The following CLMP variants were observed in gnomAD, a reference collection of about 807,000 sequenced individuals.
The protein encoded by CLMP is CXADR like cell adhesion molecule.
CLMP carries 27 observed loss-of-function variants against 45.2 expected under a neutral mutation model. The ratio of observed to expected loss-of-function variants is 0.60; its 90% CI spans 0.44 to 0.82. CLMP has a LOEUF of 0.82. Ranked by LOEUF, CLMP falls within the 40% of genes least tolerant of loss-of-function variation. CLMP has a pLI of 0.00. For synonymous variants in CLMP, 167 were observed against 171.4 expected (o/e 0.97, Z 0.20); for missense variants, 403 against 448.4 (o/e 0.90, Z 0.91).
At chr11:123,083,237 C>A in intron 4 of CLMP, 30 bp from the exon 5 acceptor site, 1 of 1,605,254 alleles carries the variant, frequency 6.2e-7, no homozygotes, top group South Asian at 1.1e-5. Context: ...GACTGTAAAT[C>A]CCTTTAGTGA....
At chr11:123,132,268 T>G (rs922016017) in intron 1 of CLMP, among the ~76,000 whole-genome samples, 1 of 152,160 alleles carries the variant, frequency 6.6e-6, no homozygotes, top group African/African-American at 2.4e-5. Flanking sequence ...AGTGGGCAGC[T>G]GCCCTATTAA....
At chr11:123,112,691 T>C (rs1860656296) in intron 1 of CLMP, among the ~76,000 whole-genome samples, 2 of 152,044 alleles carry the variant, frequency 1.3e-5, no homozygotes, top group Admixed American at 1.3e-4. Flanking sequence ...TATCAAGTTA[T>C]TTACATTCTC....
intron 1 of CLMP, among the ~76,000 whole-genome samples, chr11:123,133,279 G>A (rs142878976): frequency 6.6e-6 from 1 of 152,140 alleles, no homozygotes; most frequent in African/African-American, 2.4e-5. Flanking sequence ...GCTCCTCTGG[G>A]TCCTCCTTTT....
At chr11:123,156,760 A>G (rs1861420303) in intron 1 of CLMP, among the ~76,000 whole-genome samples, 1 of 149,494 alleles carries the variant, frequency 6.7e-6, no homozygotes, top group African/African-American at 2.5e-5. Context: ...ACAGATAAAA[A>G]TCTCACAAAT....
Position 123,110,449 on chromosome 11 carries a change from G to A in CLMP, c.29-12497C>T, listed in dbSNP as rs189682658. Among the ~76,000 whole-genome samples, 60 of 132,116 alleles carry A rather than the reference G, an allele frequency of 4.5e-4. 1 individual carries two copies. The East Asian group carries it at 0.012, about 26-fold the overall frequency. The allele number at this position is 132,116 out of a possible 152,430, so 86.7% of individuals were successfully genotyped here. A position where few individuals can be genotyped will look rare whatever the true frequency, so the allele number is the denominator to read the frequency against. ...AGCCTGGGTGACAGAGCGAGACTCC[G>A]TCAGAAAAAAAAAAAAAAAATTAGC... On this transcript the variant is annotated intron_variant, in intron 1 of 6. Transcript: ENST00000448775.
Position 123,073,667 on chromosome 11 carries a change from C to G in CLMP, c.929G>C (p.Ser310Thr), listed in dbSNP as rs775080926. The G allele has an allele frequency of 6.2e-7, 1 of 1,614,214 alleles. No individual in the cohort carries two copies. Among genetic ancestry groups the G allele is most frequent in the Non-Finnish European group, 8.5e-7 (1 of 1,180,040 alleles). The change falls in exon 7 of 7, where the codon AGT (serine) becomes ACT (threonine). Residue 310 changes from serine (S) to threonine (T), a missense_variant. Transcript: ENST00000448775. ...CAGTGTCCGCTGGCTGCGTGAGGCA[C>G]TATTTGCTGTGGAGCGAGTGGAGGA... ...GSSSTRSTAN[S>T]ASRSQRTLST...
rs763953772 is a variant in CLMP at position 123,083,170 on chromosome 11, A to G, written c.594T>C (p.Leu198=). ...NHPGRVLLQN[L]TMSYSGLYQC... ...GGTACAGTCCAGAGTAGGACATGGT[A>G]AGATTCTGCAGCAGAACTCGTCCAG... The change falls in exon 5 of 7, where the codon CTT becomes CTC. Residue 198 remains leucine (L), a synonymous_variant. Transcript: ENST00000448775. 1 of 1,614,134 alleles carries G rather than the reference A, an allele frequency of 6.2e-7. No homozygotes were observed. Among genetic ancestry groups the G allele is most frequent in the South Asian group, 1.1e-5 (1 of 91,088 alleles).
At chr11:123,095,902 A>C (rs1267147362) in intron 2 of CLMP, among the ~76,000 whole-genome samples, 1 of 152,232 alleles carries the variant, frequency 6.6e-6, no homozygotes, top group East Asian at 1.9e-4. Context: ...GATTAGCTCT[A>C]GTCAGAAAGA....
chr11:123,098,796 C>T (rs1189786908), intron 1 of CLMP, among the ~76,000 whole-genome samples: 1 of 151,048 alleles, frequency 6.6e-6, no homozygotes. Flanking sequence ...AACCTCCGTC[C>T]CCCAGGTTCA....
intron 1 of CLMP, among the ~76,000 whole-genome samples, chr11:123,141,436 G>A (rs1346343712): frequency 6.6e-6 from 1 of 151,858 alleles, no homozygotes; most frequent in African/African-American, 2.4e-5. Context: ...CACCCGCCTT[G>A]GCCTCCCAAA....
At chr11:123,118,500 A>G (rs1860746811) in intron 1 of CLMP, among the ~76,000 whole-genome samples, 1 of 152,218 alleles carries the variant, frequency 6.6e-6, no homozygotes, top group Non-Finnish European at 1.5e-5. Context: ...AATCAAACTT[A>G]GCTCATGCTT....
At chr11:123,176,612 C>T (rs900757379) in intron 1 of CLMP, among the ~76,000 whole-genome samples, 2 of 152,172 alleles carry the variant, frequency 1.3e-5, no homozygotes, top group African/African-American at 4.8e-5. Flanking sequence ...TCTCCTGGCT[C>T]CTTAGCACCA....
Position 123,097,929 on chromosome 11 carries a change from C to A in CLMP, c.52G>T (p.Gly18Trp). The A allele has an allele frequency of 6.3e-7, 1 of 1,579,024 alleles. No homozygotes were observed. The highest frequency in any genetic ancestry group is 8.6e-7 in the Non-Finnish European group (1 of 1,162,120). The change falls in exon 2 of 7, where the codon GGG becomes TGG. Residue 18 changes from glycine to tryptophan, a missense_variant. Coordinates refer to ENST00000448775, the MANE Select transcript of CLMP (RefSeq NM_024769.5). The part of the protein sequence containing the change: ...LLVSYYVGTL[G>W]THTEIKRVAE... The stretch of plus-strand genomic sequence containing the variant: ...ACTCTCTTGATCTCAGTGTGAGTCC[C>A]CAAGGTTCCAACATAGTAGGAAACT...
intron 1 of CLMP, among the ~76,000 whole-genome samples, chr11:123,137,167 T>G (rs77523755): frequency 7.1e-6 from 1 of 141,138 alleles, no homozygotes; most frequent in South Asian, 2.4e-4. Context: ...TTTTTTTTTT[T>G]TTTTGAGATG....
Position 123,097,812 on chromosome 11 carries a change from C to T in CLMP, c.169G>A (p.Glu57Lys), listed in dbSNP as rs1384459124. ...LDIEWLLTDN[E>K]GNQKVVITYS... ...CTACTTACCACTTTTTGGTTCCCTT[C>T]ATTATCGGTGAGCAGCCATTCAATA... The change falls in exon 2 of 7, where the codon GAA becomes AAA. Residue 57 changes from glutamate to lysine, a missense_variant. Physicochemically the swap from Glu to Lys is moderately conservative, Grantham distance 56. Transcript: ENST00000448775. 7 of 1,596,264 alleles carry T rather than the reference C, an allele frequency of 4.4e-6. No individual in the cohort carries two copies. In the South Asian group the frequency reaches 4.5e-5, roughly 10 times the overall value.
At chr11:123,095,781 T>C (rs1390043669) in intron 2 of CLMP, among the ~76,000 whole-genome samples, 1 of 152,104 alleles carries the variant, frequency 6.6e-6, no homozygotes, top group African/African-American at 2.4e-5. Flanking sequence ...AGGATTATTA[T>C]TGTAGGCAGG....
At chr11:123,084,737 T>C (rs1318186714) in intron 2 of CLMP, 24 bp from the exon 3 acceptor site, 1 of 1,601,908 alleles carries the variant, frequency 6.2e-7, no homozygotes, top group Admixed American at 1.7e-5. Context: ...CGAGGCAGAG[T>C]CAAGCAGCGT....
Position 123,083,865 on chromosome 11 carries a change from A to G in CLMP, c.389-18T>C, listed in dbSNP as rs1258699421. 6.2e-7 allele frequency: 1 copy of G among 1,611,716 alleles called. No individual in the cohort carries two copies. Among genetic ancestry groups the G allele is most frequent in the Non-Finnish European group, 8.5e-7 (1 of 1,179,448 alleles). ...TGGTCTCACTGGCAACAGCAACAAC[A>G]AGCAAAAGTGTAGTGATTCAAAGAT... is the stretch of plus-strand genomic sequence containing the variant. On this transcript the variant is annotated intron_variant, in intron 3 of 6. Transcript: ENST00000448775.
At chr11:123,090,390 C>T (rs1011994392) in intron 2 of CLMP, among the ~76,000 whole-genome samples, 2 of 151,746 alleles carry the variant, frequency 1.3e-5, no homozygotes, top group African/African-American at 4.8e-5. Context: ...TCACTGCACT[C>T]CAACCTGGCA....
Sources: gnomAD v4.1 joint callset for allele counts (sites outside exome capture counted in the v4.1 genomes callset) on GRCh38, gnomAD v4.1.1 for gene constraint, MANE v1.5 for transcripts, NCBI Gene and HGNC (gene_info 2026-07-23, HGNC 2026-07-21) for gene names.